ITPR1: variants seen among roughly 807,000 people sequenced by gnomAD.
The protein encoded by ITPR1 is inositol 1,4,5-trisphosphate receptor type 1.
A neutral mutation model predicts 318.4 loss-of-function variants in ITPR1; 96 were observed. The observed-to-expected ratio is 0.30, with a 90% CI of 0.26 to 0.36. ITPR1 has a LOEUF of 0.36. ITPR1 is among the 10% of genes least tolerant of loss of function. The probability of loss-of-function intolerance (pLI) is 1.00; values close to 1 mark genes in which losing one functional copy is unlikely to be tolerated. For synonymous variants in ITPR1, 1,312 were observed against 1,289.9 expected, an observed-to-expected ratio of 1.02 and a Z score of -0.37; for missense variants, 2,440 against 3,460.2, an observed-to-expected ratio of 0.71 and a Z score of 7.40.
chr3:4,743,077 A>G (rs2043824668), intron 44 of ITPR1, among the ~76,000 whole-genome samples: 1 of 152,268 alleles, frequency 6.6e-6, no homozygotes, highest in African/African-American at 2.4e-5. Flanking sequence ...TGAAGCAGAA[A>G]GAAAAACAGC....
At chr3:4,675,411 A>G (rs2094164324) in intron 23 of ITPR1, among the ~76,000 whole-genome samples, 163 bp downstream of exon 23, 1 of 152,254 alleles carries the variant, frequency 6.6e-6, no homozygotes, top group Non-Finnish European at 1.5e-5. Context: ...AAGCGGAAAG[A>G]ACAGTACGAT....
chr3:4,768,578 C>T lies in ITPR1; in HGVS notation c.5793C>T (p.Thr1931=). The change falls in exon 46 of 62, where the codon ACC becomes ACT. Residue 1931 remains threonine (T), a synonymous_variant. Transcript: ENST00000649015. ...AGCTCCTGGAGGCCTCCGCTGCCAC[C>T]AGGAAAGCCTTCACCACTTTCAGGA... ...RDQLLEASAA[T]RKAFTTFRRE... 6.2e-7 allele frequency: 1 copy of T among 1,614,014 alleles called. No individual in the cohort carries two copies. Among genetic ancestry groups the T allele is most frequent in the African/African-American group, 1.3e-5 (1 of 75,044 alleles).
intron 4 of ITPR1, among the ~76,000 whole-genome samples, chr3:4,546,603 C>G (rs1432659721): frequency 6.6e-6 from 1 of 152,110 alleles, no homozygotes; most frequent in Non-Finnish European, 1.5e-5. Context: ...CAGAAGTCCG[C>G]AAGCAGTAGT....
intron 4 of ITPR1, among the ~76,000 whole-genome samples, chr3:4,604,366 C>T (rs925943589): frequency 2.0e-5 from 3 of 151,942 alleles, no homozygotes; most frequent in African/African-American, 4.8e-5. Flanking sequence ...TGCTGAGGCA[C>T]CAAGATGTAA....
chr3:4,732,601 A>T (rs2043003495), intron 42 of ITPR1, among the ~76,000 whole-genome samples: 1 of 152,070 alleles, frequency 6.6e-6, no homozygotes, highest in Non-Finnish European at 1.5e-5. Context: ...CATTTGGCCC[A>T]TCGACTATTT....
At chr3:4,671,380 T>C (rs1214386982) in intron 20 of ITPR1, 1 of 153,704 alleles carries the variant, frequency 6.5e-6, no homozygotes, top group Non-Finnish European at 1.4e-5. Context: ...TATACACATA[T>C]ATCTACACAT....
rs114238636 is a variant in ITPR1, at chr3:4,499,996, C to T, written c.-17+5490C>T. Among the ~76,000 whole-genome samples the T allele has an allele frequency of 6.3e-3, 958 of 152,266 alleles. 7 individuals are homozygous for T. The highest frequency in any genetic ancestry group is 0.017 in the Middle Eastern group (5 of 294). On this transcript the variant is annotated intron_variant, in intron 2 of 61. Coordinates refer to ENST00000649015, the MANE Select transcript of ITPR1 (RefSeq NM_001378452.1). ...TGTTATATGAGCACCCCTTGATGCT[C>T]ACTACCTGAATCCATTAGTTCTCTC...
At position 4,745,054 on chromosome 3, in the gene ITPR1, C is replaced by T. The variant is rs1490500257; in HGVS notation, c.5544+9700C>T. Among the ~76,000 whole-genome samples the T allele has an allele frequency of 8.2e-3, 4 of 486 alleles. No homozygotes were observed. In the East Asian group the frequency reaches 0.19, roughly 23 times the overall value. 0.3% of individuals were successfully genotyped at this position (486 alleles called of 152,430 possible). A position where few individuals can be genotyped will look rare whatever the true frequency, so the allele number is the denominator to read the frequency against. ...TTTTCTTCTTTATCTCTTTCTTTTCCTTTCTCTTTCTGTGTTTTCTTTCTT... is the reference window on the plus strand; with the variant it reads ...TTTTCTTCTTTATCTCTTTCTTTTCTTTTCTCTTTCTGTGTTTTCTTTCTT... On this transcript the variant is annotated intron_variant, in intron 44 of 61. Transcript: ENST00000649015.
chr3:4,813,164 C>T lies in ITPR1; in HGVS notation c.7491C>T (p.Ser2497=), dbSNP rs371986594. The part of the protein sequence containing the change: ...AVPETGESLA[S]EFLFSDVCRV... ...CAGAAACCGGCGAGAGTTTGGCAAGCGAGTTCCTGTTCTCCGATGTGTGTA... is the reference window on the plus strand; with the variant it reads ...CAGAAACCGGCGAGAGTTTGGCAAGTGAGTTCCTGTTCTCCGATGTGTGTA... The change falls in exon 57 of 62, where the codon AGC becomes AGT. Residue 2497 remains serine (S), a synonymous_variant. Coordinates refer to ENST00000649015, the MANE Select transcript of ITPR1 (RefSeq NM_001378452.1). 352 of 1,613,892 alleles carry T rather than the reference C, an allele frequency of 2.2e-4. 3 individuals carry two copies. The highest frequency in any genetic ancestry group is 1.8e-3 in the South Asian group (162 of 91,076).
At chr3:4,687,186 G>A (rs1057094155) in intron 30 of ITPR1, among the ~76,000 whole-genome samples, 2 of 152,212 alleles carry the variant, frequency 1.3e-5, no homozygotes, top group African/African-American at 2.4e-5. Flanking sequence ...AGTCACATAA[G>A]TACCTACATA....
At chr3:4,687,380 C>A (rs539455270) in intron 30 of ITPR1, among the ~76,000 whole-genome samples, 1 of 152,160 alleles carries the variant, frequency 6.6e-6, no homozygotes, top group African/African-American at 2.4e-5. Flanking sequence ...ATGAAGTGTG[C>A]ACTTTTGTTA....
At chr3:4,717,690 G>A (rs149200993) in intron 40 of ITPR1, among the ~76,000 whole-genome samples, 35 of 152,290 alleles carry the variant, frequency 2.3e-4, no homozygotes, top group Non-Finnish European at 4.4e-4. Flanking sequence ...TGTGGTTGAC[G>A]CTGGCCATTA....
intron 4 of ITPR1, among the ~76,000 whole-genome samples, chr3:4,563,821 A>T (rs1379834249): frequency 6.6e-6 from 1 of 152,154 alleles, no homozygotes; most frequent in African/African-American, 2.4e-5. Context: ...AACTAATCCT[A>T]TATAGAGGTT....
intron 28 of ITPR1, 62 bp downstream of exon 28, chr3:4,683,860 A>G (rs917769673): frequency 2.8e-6 from 4 of 1,445,580 alleles, no homozygotes; most frequent in African/African-American, 2.8e-5. Context: ...ACTAGGGAGC[A>G]TCCTCTTCTG....
chr3:4,645,961 G>T, intron 10 of ITPR1: 1 of 488,504 alleles, frequency 2.0e-6, no homozygotes, highest in Admixed American at 3.4e-5. Flanking sequence ...ATGGCATAGT[G>T]AAGTAAGTGC....
At chr3:4,685,271 C>T (rs1469346252) in intron 30 of ITPR1, 65 bp downstream of exon 30, 1 of 1,456,062 alleles carries the variant, frequency 6.9e-7, no homozygotes, top group Non-Finnish European at 9.1e-7. Flanking sequence ...TTTCCCCAAA[C>T]TCTTCACATC....
At chr3:4,600,024 C>T (rs780852025) in intron 4 of ITPR1, among the ~76,000 whole-genome samples, 19 of 152,194 alleles carry the variant, frequency 1.2e-4, no homozygotes, top group African/African-American at 3.9e-4. Flanking sequence ...TGTGCTTTAT[C>T]GCTGTTATTT....
intron 18 of ITPR1, among the ~76,000 whole-genome samples, chr3:4,668,314 C>T (rs887409077): frequency 1.3e-5 from 2 of 151,232 alleles, no homozygotes; most frequent in Admixed American, 6.6e-5. Context: ...ACTCTGTGTC[C>T]ATGAGTTCAA....
chr3:4,589,000 C>T (rs1015017459), intron 4 of ITPR1, among the ~76,000 whole-genome samples: 1 of 152,090 alleles, frequency 6.6e-6, no homozygotes, highest in Non-Finnish European at 1.5e-5. Context: ...CCATTGTTTC[C>T]CAGACTTCTT....
Sources: allele counts gnomAD v4.1 joint callset (sites outside exome capture counted in the v4.1 genomes callset), GRCh38; gene constraint gnomAD v4.1.1; transcripts MANE v1.5; gene names NCBI Gene and HGNC (gene_info 2026-07-23, HGNC 2026-07-21).